LRP1B: variants seen among roughly 807,000 people sequenced by gnomAD.
LRP1B encodes the protein low-density lipoprotein receptor-related protein 1B.
A neutral mutation model predicts 556.6 loss-of-function variants in LRP1B; 217 were observed. The observed-to-expected ratio is 0.39, with a 90% confidence interval of 0.35 to 0.44. The LOEUF is 0.44. LRP1B is among the 20% of genes least tolerant of loss of function. The probability of loss-of-function intolerance (pLI) is 1.00; values close to 1 mark genes in which losing one functional copy is unlikely to be tolerated. For synonymous variants in LRP1B, 2,047 were observed against 1,865.8 expected (o/e 1.10, Z -2.50); for missense variants, 5,053 against 5,620.8 (o/e 0.90, Z 3.23).
At chr2:141,363,425 CTT>C (rs1281490430) in intron 3 of LRP1B, among the ~76,000 whole-genome samples, 1 of 150,758 alleles carries the variant, frequency 6.6e-6, no homozygotes, top group South Asian at 2.1e-4. Flanking sequence ...CTTAATGACA[CTT>C]AGAACATTCT....
chr2:141,789,486 T>A (rs1052367497), intron 2 of LRP1B, among the ~76,000 whole-genome samples: 8 of 152,132 alleles, frequency 5.3e-5, no homozygotes, highest in African/African-American at 1.9e-4. Context: ...AGCTTGTTAG[T>A]GATTGCAAAC....
rs143480112 is a variant in LRP1B, at chr2:141,359,740, A to T, written c.344-105099T>A. Among the ~76,000 whole-genome samples, 57 of 152,052 alleles carry T rather than the reference A, an allele frequency of 3.7e-4. 1 individual carries two copies. In the East Asian group the frequency reaches 9.9e-3, roughly 26 times the overall value. On this transcript the variant is annotated intron_variant, in intron 3 of 90. Transcript: ENST00000389484. ...CACCGCACTCCAGCCTGGGCTATAG[A>T]GTGAGAATTCGGCCCCCGCGCCCCG...
At chr2:142,080,929 T>C (rs1705688884) in intron 1 of LRP1B, among the ~76,000 whole-genome samples, 1 of 152,154 alleles carries the variant, frequency 6.6e-6, no homozygotes, top group African/African-American at 2.4e-5. Context: ...TAGAAATAGT[T>C]CTCAAGTGGC....
chr2:140,582,611 G>A (rs749563134), intron 43 of LRP1B, among the ~76,000 whole-genome samples: 2 of 152,102 alleles, frequency 1.3e-5, no homozygotes, highest in Non-Finnish European at 2.9e-5. Context: ...GCTGCCATGC[G>A]AGGAAACCAT....
intron 6 of LRP1B, among the ~76,000 whole-genome samples, chr2:141,218,482 G>A (rs1682905669): frequency 6.6e-6 from 1 of 152,132 alleles, no homozygotes; most frequent in South Asian, 2.1e-4. Flanking sequence ...GTCCTTTGCA[G>A]CGACATGTAT....
intron 1 of LRP1B, among the ~76,000 whole-genome samples, chr2:142,072,673 G>A (rs1415095200): frequency 1.3e-5 from 2 of 151,866 alleles, no homozygotes; most frequent in Non-Finnish European, 2.9e-5. Flanking sequence ...TTTCAGTGTG[G>A]CCCAGGGAAG....
chr2:140,530,955 G>C (rs1189781616), intron 47 of LRP1B, among the ~76,000 whole-genome samples: 1 of 152,056 alleles, frequency 6.6e-6, no homozygotes, highest in Non-Finnish European at 1.5e-5. Context: ...TCAGCAGCTG[G>C]TATTGATATC....
chr2:140,452,163 T>C (rs1686910729), intron 62 of LRP1B, among the ~76,000 whole-genome samples: 1 of 152,174 alleles, frequency 6.6e-6, no homozygotes, highest in South Asian at 2.1e-4. Context: ...TGAACCCAAA[T>C]GTAGCTGCTG....
chr2:142,088,736 G>A (rs1271168297), intron 1 of LRP1B, among the ~76,000 whole-genome samples: 1 of 152,072 alleles, frequency 6.6e-6, no homozygotes, highest in Non-Finnish European at 1.5e-5. Context: ...AGCACTTTGG[G>A]AGGCTGAGGA....
intron 1 of LRP1B, among the ~76,000 whole-genome samples, chr2:141,979,231 T>G (rs1701977001): frequency 6.6e-6 from 1 of 152,110 alleles, no homozygotes; most frequent in Non-Finnish European, 1.5e-5. Flanking sequence ...TTAGTAATTA[T>G]AGGATATCAC....
intron 1 of LRP1B, among the ~76,000 whole-genome samples, chr2:141,850,294 A>C (rs1298732828): frequency 1.3e-5 from 2 of 151,670 alleles, no homozygotes; most frequent in African/African-American, 4.8e-5. Flanking sequence ...AAACAATCTG[A>C]TTAGATCCTG....
chr2:140,304,437 G>C (rs961076093), intron 83 of LRP1B, among the ~76,000 whole-genome samples: 1 of 152,120 alleles, frequency 6.6e-6, no homozygotes, highest in South Asian at 2.1e-4. Context: ...TCATGTGTCT[G>C]TTGGCTGCAT....
chr2:140,627,890 C>T (rs931345957), intron 41 of LRP1B, among the ~76,000 whole-genome samples: 3 of 149,680 alleles, frequency 2.0e-5, no homozygotes, highest in African/African-American at 2.5e-5. Context: ...AAGGATAGAA[C>T]GAAAAAAACT....
At chr2:141,117,987 G>A (rs1304685104) in intron 7 of LRP1B, among the ~76,000 whole-genome samples, 1 of 152,002 alleles carries the variant, frequency 6.6e-6, no homozygotes, top group Middle Eastern at 3.4e-3. Context: ...TTACTTGAGT[G>A]CAGGAACTAA....
intron 63 of LRP1B, among the ~76,000 whole-genome samples, chr2:140,445,344 G>A (rs990357838): frequency 6.6e-6 from 1 of 151,754 alleles, no homozygotes; most frequent in South Asian, 2.1e-4. Context: ...CTCGAACTCC[G>A]GACCTCAGCT....
intron 25 of LRP1B, among the ~76,000 whole-genome samples, chr2:140,873,771 C>A (rs1693213731): frequency 6.6e-6 from 1 of 151,396 alleles, no homozygotes; most frequent in Admixed American, 6.6e-5. Flanking sequence ...AGGTATTTTT[C>A]AATAAAAGTA....
At chr2:140,594,080 C>G (rs543716457) in intron 43 of LRP1B, among the ~76,000 whole-genome samples, 1 of 151,822 alleles carries the variant, frequency 6.6e-6, no homozygotes, top group Non-Finnish European at 1.5e-5. Flanking sequence ...TGGGTTCAAG[C>G]GATTCTCCTG....
At chr2:141,832,525 A>G (rs1351036143) in intron 1 of LRP1B, among the ~76,000 whole-genome samples, 8 of 151,806 alleles carry the variant, frequency 5.3e-5, no homozygotes, top group Non-Finnish European at 1.2e-4. Context: ...CTATTAACAA[A>G]GTTGAAATTA....
At chr2:140,917,559 G>A (rs905325251) in intron 21 of LRP1B, among the ~76,000 whole-genome samples, 1 of 152,008 alleles carries the variant, frequency 6.6e-6, no homozygotes, top group Non-Finnish European at 1.5e-5. Context: ...AAACTCAAAT[G>A]CATATTACAA....
Sources: allele counts gnomAD v4.1 joint callset (sites outside exome capture counted in the v4.1 genomes callset), GRCh38; gene constraint gnomAD v4.1.1; transcripts MANE v1.5; gene names NCBI Gene and HGNC (gene_info 2026-07-23, HGNC 2026-07-21).